The following ELSPBP1 variants were observed in gnomAD, a reference collection of about 807,000 sequenced individuals.
The protein encoded by ELSPBP1 is epididymal sperm-binding protein 1.
A neutral mutation model predicts 33.3 loss-of-function variants in ELSPBP1; 38 were observed. The ratio of observed to expected loss-of-function variants is 1.14; its 90% confidence interval spans 0.88 to 1.50. The LOEUF (loss-of-function observed/expected upper bound fraction) is 1.50. ELSPBP1 is among the 40% of genes most tolerant of loss of function. ELSPBP1 has a pLI of 0.00. For synonymous variants in ELSPBP1, 85 were observed against 94.1 expected, an observed-to-expected ratio of 0.90 and a Z score of 0.56; for missense variants, 267 against 263.5, an observed-to-expected ratio of 1.01 and a Z score of -0.09.
At chr19:47,999,387 CTTTT>C (rs397937280) in intron 1 of ELSPBP1, among the ~76,000 whole-genome samples, 1 of 129,976 alleles carries the variant, frequency 7.7e-6, no homozygotes. Flanking sequence ...AGCCTCATTT[CTTTT>C]TTTTTTTTTT....
chr19:48,023,687 GC>G (rs1323652852), intron 6 of ELSPBP1, among the ~76,000 whole-genome samples: 1 of 151,990 alleles, frequency 6.6e-6, no homozygotes, highest in Admixed American at 6.6e-5. Context: ...TGCATCCATT[GC>G]CCCCATCACT....
At chr19:48,007,551 CTG>C (rs909867567) in intron 1 of ELSPBP1, among the ~76,000 whole-genome samples, 50 of 152,288 alleles carry the variant, frequency 3.3e-4, no homozygotes, top group African/African-American at 1.1e-3. Context: ...CAATTCCAAA[CTG>C]TGGGTTCTTG....
intron 1 of ELSPBP1, among the ~76,000 whole-genome samples, chr19:48,007,771 T>C (rs1967036770): frequency 1.3e-5 from 2 of 152,170 alleles, no homozygotes; most frequent in Non-Finnish European, 2.9e-5. Flanking sequence ...CAGCCATTAA[T>C]ATGGGTTAGA....
At chr19:48,022,466 C>T (rs937633350) in intron 6 of ELSPBP1, 132 bp downstream of exon 6, 32 of 756,416 alleles carry the variant, frequency 4.2e-5, no homozygotes, top group Middle Eastern at 3.5e-4. Flanking sequence ...GATGTGAAGG[C>T]GAGATCTGTT....
chr19:47,998,983 C>T lies in ELSPBP1; in HGVS notation c.-18+4172C>T, dbSNP rs117442395. Among the ~76,000 whole-genome samples the T allele has an allele frequency of 6.7e-3, 1,013 of 152,248 alleles. 7 individuals carry two copies. Among genetic ancestry groups the T allele is most frequent in the Non-Finnish European group, 0.011 (734 of 68,022 alleles). On this transcript the variant is annotated intron_variant, in intron 1 of 6. Coordinates refer to ENST00000339841, the MANE Select transcript of ELSPBP1 (RefSeq NM_022142.5). ...AAATGAAGGGTCCAGCCATGTGGCC[C>T]TCCCTTCTGTGCGTCAGAACATGTC...
chr19:48,023,329 G>A (rs1967224019), intron 6 of ELSPBP1, among the ~76,000 whole-genome samples: 2 of 130,406 alleles, frequency 1.5e-5, no homozygotes, highest in Admixed American at 8.4e-5. Flanking sequence ...GAGAGGGAAA[G>A]AAGGAAGGGA....
chr19:48,009,060 C>G (rs1363163676), intron 2 of ELSPBP1, among the ~76,000 whole-genome samples: 1 of 150,768 alleles, frequency 6.6e-6, no homozygotes, highest in Non-Finnish European at 1.5e-5. Context: ...CGCTTGAACC[C>G]AGGAGGTGGA....
chr19:48,014,113 T>C (rs1600108303), intron 2 of ELSPBP1, 58 bp from the exon 3 acceptor site: 1 of 1,585,740 alleles, frequency 6.3e-7, no homozygotes, highest in South Asian at 1.1e-5. Flanking sequence ...CCAAGACTCA[T>C]CCTTTGCTAA....
intron 1 of ELSPBP1, among the ~76,000 whole-genome samples, chr19:47,998,188 T>C (rs1966929173): frequency 6.6e-6 from 1 of 151,700 alleles, no homozygotes; most frequent in Admixed American, 6.6e-5. Flanking sequence ...CTGAGGTGTG[T>C]GGATCATGAG....
intron 6 of ELSPBP1, among the ~76,000 whole-genome samples, chr19:48,024,613 C>G (rs1026367981): frequency 6.6e-6 from 1 of 152,174 alleles, no homozygotes; most frequent in African/African-American, 2.4e-5. Flanking sequence ...ACCATCTTAA[C>G]AGGGTAGATA....
At chr19:48,007,229 G>A (rs1967030366) in intron 1 of ELSPBP1, among the ~76,000 whole-genome samples, 1 of 152,116 alleles carries the variant, frequency 6.6e-6, no homozygotes, top group African/African-American at 2.4e-5. Context: ...TGCAGATGAG[G>A]AAACAAAGGC....
intron 3 of ELSPBP1, among the ~76,000 whole-genome samples, chr19:48,014,540 G>A (rs1391559444): frequency 8.0e-6 from 1 of 125,050 alleles, no homozygotes; most frequent in Admixed American, 8.7e-5. Flanking sequence ...GGGGGGCGGG[G>A]GGAGGGATAG....
intron 1 of ELSPBP1, among the ~76,000 whole-genome samples, chr19:48,004,526 C>T (rs1477843045): frequency 6.6e-6 from 1 of 152,140 alleles, no homozygotes; most frequent in Non-Finnish European, 1.5e-5. Flanking sequence ...AGGCAGTTTC[C>T]ACGTCGGCTT....
At chr19:48,003,309 A>G (rs1966984865) in intron 1 of ELSPBP1, among the ~76,000 whole-genome samples, 1 of 150,962 alleles carries the variant, frequency 6.6e-6, no homozygotes, top group Non-Finnish European at 1.5e-5. Flanking sequence ...AGAACTCTTT[A>G]TTGCACAAAG....
chr19:48,000,961 T>C (rs1386024676), intron 1 of ELSPBP1, among the ~76,000 whole-genome samples: 1 of 152,216 alleles, frequency 6.6e-6, no homozygotes, highest in East Asian at 1.9e-4. Context: ...TTTGTTCTCT[T>C]ACAGTTCTGT....
At chr19:48,017,712 G>T (rs1967156751) in intron 4 of ELSPBP1, among the ~76,000 whole-genome samples, 1 of 151,832 alleles carries the variant, frequency 6.6e-6, no homozygotes, top group Non-Finnish European at 1.5e-5. Flanking sequence ...AGGCAACATA[G>T]GAAGACCCGC....
At chr19:48,019,142 A>G (rs1180113768) in intron 4 of ELSPBP1, among the ~76,000 whole-genome samples, 1 of 152,176 alleles carries the variant, frequency 6.6e-6, no homozygotes, top group Non-Finnish European at 1.5e-5. Context: ...TGACAGAGAA[A>G]GACTCCATCT....
Position 48,019,694 on chromosome 19 carries a change from G to A in ELSPBP1, c.356-25G>A, listed in dbSNP as rs200831715. ...TCTTTTCATCTCCTCTTCTTGACCC[G>A]TAACCTTTCCATAATCCTTTTCAGA... On this transcript the variant is annotated intron_variant, in intron 4 of 6. Coordinates refer to ENST00000339841, the MANE Select transcript of ELSPBP1 (RefSeq NM_022142.5). The A allele has an allele frequency of 1.6e-4, 257 of 1,608,406 alleles. No individual in the cohort carries two copies. The African/African-American group carries it at 2.9e-3, about 18-fold the overall frequency.
At chr19:48,000,980 C>G (rs1966961634) in intron 1 of ELSPBP1, among the ~76,000 whole-genome samples, 1 of 152,196 alleles carries the variant, frequency 6.6e-6, no homozygotes, top group African/African-American at 2.4e-5. Context: ...GTGAGTCAGT[C>G]TCACTGGGGC....
Sources: gnomAD v4.1 joint callset for allele counts (sites outside exome capture counted in the v4.1 genomes callset) on GRCh38, gnomAD v4.1.1 for gene constraint, MANE v1.5 for transcripts, NCBI Gene and HGNC (gene_info 2026-07-23, HGNC 2026-07-21) for gene names.